DNAAF10: variants seen among roughly 807,000 people sequenced by gnomAD.
DNAAF10 encodes the protein WD repeat domain 92.
Under a neutral mutation model 43.7 loss-of-function variants are expected in DNAAF10, and 28 were observed. The ratio of observed to expected loss-of-function variants is 0.64; its 90% CI spans 0.48 to 0.88. DNAAF10 has a LOEUF of 0.88. Ranked by LOEUF, DNAAF10 falls within the 40% of genes least tolerant of loss-of-function variation. The probability of loss-of-function intolerance (pLI) is 0.00; values close to 1 mark genes in which losing one functional copy is unlikely to be tolerated. For missense variants in DNAAF10, 403 were observed against 439.1 expected (o/e 0.92, Z 0.73); for synonymous variants, 156 against 157.3 (o/e 0.99, Z 0.06).
At chr2:68,156,579 G>GA (rs35889973) in intron 1 of DNAAF10, among the ~76,000 whole-genome samples, 2 of 151,972 alleles carry the variant, frequency 1.3e-5, no homozygotes, top group Admixed American at 1.3e-4. Flanking sequence ...TTTTTTCTTA[G>GA]AAAAAAGGCA....
intron 1 of DNAAF10, among the ~76,000 whole-genome samples, chr2:68,153,707 T>A (rs1366762743): frequency 6.6e-6 from 1 of 151,318 alleles, no homozygotes; most frequent in East Asian, 1.9e-4. Flanking sequence ...TATTTAAAAA[T>A]TTTTTTCCAT....
chr2:68,134,636 T>C, intron 7 of DNAAF10, 66 bp downstream of exon 7: 1 of 1,571,214 alleles, frequency 6.4e-7, no homozygotes, highest in South Asian at 1.2e-5. Context: ...AAAAAAAAGT[T>C]CAATCTAATC....
chr2:68,138,983 G>C, intron 4 of DNAAF10, 126 bp from the exon 5 acceptor site: 1 of 670,626 alleles, frequency 1.5e-6, no homozygotes. Flanking sequence ...ACACTGGGTA[G>C]TATCCCATCT....
At chr2:68,155,981 G>A (rs1673593246) in intron 1 of DNAAF10, among the ~76,000 whole-genome samples, 1 of 151,644 alleles carries the variant, frequency 6.6e-6, no homozygotes, top group Non-Finnish European at 1.5e-5. Flanking sequence ...TTAGTTAGGT[G>A]TGGTGGCACA....
chr2:68,140,112 T>G (rs1346451385), intron 4 of DNAAF10, among the ~76,000 whole-genome samples: 1 of 152,208 alleles, frequency 6.6e-6, no homozygotes, highest in African/African-American at 2.4e-5. Flanking sequence ...CTCATCCTCC[T>G]GGAATTAATT....
intron 7 of DNAAF10, chr2:68,134,274 A>C (rs1672985350): frequency 9.9e-7 from 1 of 1,007,042 alleles, no homozygotes; most frequent in African/African-American, 1.7e-5. Context: ...ATATGCAGAA[A>C]GCAAATTCAG....
At position 68,147,523 on chromosome 2, in the gene DNAAF10, T is replaced by C. The variant is rs1313489386; in HGVS notation, c.228A>G (p.Thr76=). The change falls in exon 2 of 8, where the codon ACA becomes ACG. Residue 76 remains threonine, a synonymous_variant. Transcript: ENST00000295121. The part of the protein sequence containing the change: ...KPIKCGTFGA[T]SLQQRYLATG... The stretch of plus-strand genomic sequence containing the variant: ...TAGCTAAATATCTCTGCTGTAAAGA[T>C]GTTGCACCAAATGTTCCACATTTAA... 6.2e-7 allele frequency: 1 copy of C among 1,612,088 alleles called. No individual in the cohort carries two copies. The highest frequency in any genetic ancestry group is 1.1e-5 in the South Asian group (1 of 90,822).
Position 68,130,983 on chromosome 2 carries a change from T to A in DNAAF10, c.*255A>T. ...CAGGCTGGAGTGCAGTGGCACAATC[T>A]CGGCTCACTGCAACCTCCGCCTCCC... On this transcript the variant is annotated 3_prime_UTR_variant, in exon 8 of 8. Coordinates refer to ENST00000295121, the MANE Select transcript of DNAAF10 (RefSeq NM_138458.4). 3.5e-6 allele frequency: 1 copy of A among 285,508 alleles called. No individual in the cohort carries two copies. The highest frequency in any genetic ancestry group is 6.9e-6 in the Non-Finnish European group (1 of 145,934). The allele number at this position is 285,508 out of a possible 1,614,324, so 17.7% of individuals were successfully genotyped here.
chr2:68,150,680 C>A (rs1417920667), intron 1 of DNAAF10, among the ~76,000 whole-genome samples: 1 of 151,988 alleles, frequency 6.6e-6, no homozygotes, highest in Non-Finnish European at 1.5e-5. Flanking sequence ...CTGCAGTGAG[C>A]CAAGATCACA....
Position 68,130,063 on chromosome 2 carries a change from G to C in DNAAF10, c.*1175C>G, listed in dbSNP as rs1271074057. ...AGCATTTTGTTTTATGAATTAAATT[G>C]CAGAAAATAGCTACCCAAATCTAGA... is the stretch of plus-strand genomic sequence containing the variant. On this transcript the variant is annotated 3_prime_UTR_variant, in exon 8 of 8. Transcript: ENST00000295121. The C allele has an allele frequency of 6.9e-6, 1 of 145,080 alleles. No individual in the cohort carries two copies. Among genetic ancestry groups the C allele is most frequent in the Non-Finnish European group, 1.5e-5 (1 of 66,934 alleles). 9.0% of individuals were successfully genotyped at this position (145,080 alleles called of 1,614,324 possible). A position where few individuals can be genotyped will look rare whatever the true frequency, so the allele number is the denominator to read the frequency against.
chr2:68,134,882 C>A, intron 6 of DNAAF10, 83 bp from the exon 7 acceptor site: 1 of 1,460,314 alleles, frequency 6.8e-7, no homozygotes, highest in East Asian at 2.4e-5. Context: ...AAAACTCTTA[C>A]AACTATAATT....
intron 3 of DNAAF10, among the ~76,000 whole-genome samples, chr2:68,142,464 G>T (rs1231260270): frequency 6.6e-6 from 1 of 152,072 alleles, no homozygotes; most frequent in African/African-American, 2.4e-5. Flanking sequence ...TTGCCATGTT[G>T]GCCAGGCTGG....
At chr2:68,136,967 G>GT (rs1262241671) in intron 6 of DNAAF10, among the ~76,000 whole-genome samples, 1 of 152,084 alleles carries the variant, frequency 6.6e-6, no homozygotes, top group East Asian at 1.9e-4. Context: ...ATATAACCAG[G>GT]TATTAGCACA....
rs148647644 is a variant in DNAAF10, at chr2:68,131,383, G to C, written c.929C>G (p.Ser310Cys). ...SEGIEMGVAGSVSLLQNVTLS... is the reference protein window; with the variant it reads ...SEGIEMGVAGCVSLLQNVTLS... ...CGTAACATTCTGCAGAAGGCTTACAGAACCTGCGACTCCCATTTCTATTCC... is the reference window on the plus strand; with the variant it reads ...CGTAACATTCTGCAGAAGGCTTACACAACCTGCGACTCCCATTTCTATTCC... Residue 310 changes from serine (S) to cysteine (C), a missense_variant, in exon 8 of 8, where the codon TCT (serine) becomes TGT (cysteine). By Grantham distance (112) the Ser-to-Cys change is moderately radical (BLOSUM62 -1). Transcript: ENST00000295121. 10 of 1,614,078 alleles carry C rather than the reference G, an allele frequency of 6.2e-6. No individual in the cohort carries two copies. The highest frequency in any genetic ancestry group is 2.7e-5 in the African/African-American group (2 of 74,914).
chr2:68,132,333 C>G (rs768066413), intron 7 of DNAAF10, among the ~76,000 whole-genome samples: 1 of 152,162 alleles, frequency 6.6e-6, no homozygotes, highest in Non-Finnish European at 1.5e-5. Context: ...GAAGAATCTA[C>G]AGGTGGATGA....
chr2:68,153,345 T>TAAAAAAAAA (rs775794947), intron 1 of DNAAF10, among the ~76,000 whole-genome samples: 1 of 98,744 alleles, frequency 1.0e-5, no homozygotes. Context: ...AGTGATAAAT[T>TAAAAAAAAA]AAAAAAAAAA....
chr2:68,138,868 A>G lies in DNAAF10; in HGVS notation c.518-11T>C. 1 of 1,590,688 alleles carries G rather than the reference A, an allele frequency of 6.3e-7. No homozygotes were observed. Among genetic ancestry groups the G allele is most frequent in the Non-Finnish European group, 8.6e-7 (1 of 1,158,918 alleles). ...GATTATAAGCATTGCCTGGAAATCAAGATACAACATTTCACATCCTTATAA... is the reference window on the plus strand; with the variant it reads ...GATTATAAGCATTGCCTGGAAATCAGGATACAACATTTCACATCCTTATAA... On this transcript the variant is annotated splice_polypyrimidine_tract_variant and intron_variant, in intron 4 of 7. Coordinates refer to ENST00000295121, the MANE Select transcript of DNAAF10 (RefSeq NM_138458.4).
At chr2:68,133,669 C>T (rs1199590647) in intron 7 of DNAAF10, among the ~76,000 whole-genome samples, 5 of 152,042 alleles carry the variant, frequency 3.3e-5, no homozygotes, top group African/African-American at 1.2e-4. Flanking sequence ...AGGAGAACCC[C>T]TTGAACCTGG....
chr2:68,146,503 T>C (rs894837096), intron 2 of DNAAF10, among the ~76,000 whole-genome samples: 6 of 152,228 alleles, frequency 3.9e-5, no homozygotes, highest in Non-Finnish European at 7.4e-5. Context: ...AATGGTACTA[T>C]CTAATATTTT....
Sources: gnomAD v4.1 joint callset for allele counts (sites outside exome capture counted in the v4.1 genomes callset) on GRCh38, gnomAD v4.1.1 for gene constraint, MANE v1.5 for transcripts, NCBI Gene and HGNC (gene_info 2026-07-23, HGNC 2026-07-21) for gene names.